RAB28: variants seen among roughly 807,000 people sequenced by gnomAD.
RAB28 encodes RAB28, member RAS oncogene family, also known as ras-related protein Rab-28.
Under a neutral mutation model 31.7 loss-of-function variants are expected in RAB28, and 24 were observed. That is an observed-to-expected ratio of 0.76 (90% confidence interval 0.55 to 1.06). The LOEUF is 1.06. Among genes scored for constraint, RAB28 ranks in the 50% least tolerant of loss-of-function variants. The pLI, the probability that RAB28 is intolerant of heterozygous loss-of-function variation, is 0.00. For synonymous variants in RAB28, 100 were observed against 90.4 expected, an observed-to-expected ratio of 1.11 and a Z score of -0.60; for missense variants, 254 against 258.5, an observed-to-expected ratio of 0.98 and a Z score of 0.12.
intron 3 of RAB28, among the ~76,000 whole-genome samples, chr4:13,466,080 T>G (rs567083612): frequency 6.6e-6 from 1 of 152,134 alleles, no homozygotes; most frequent in Non-Finnish European, 1.5e-5. Context: ...CGAAATTGAT[T>G]AACAATTTCA....
chr4:13,375,456 G>T (rs2108877141), intron 6 of RAB28, among the ~76,000 whole-genome samples: 1 of 152,212 alleles, frequency 6.6e-6, no homozygotes, highest in South Asian at 2.1e-4. Flanking sequence ...TTTAGACAGA[G>T]AAGCTAAAAA....
chr4:13,410,823 T>G (rs1372057793), intron 4 of RAB28, among the ~76,000 whole-genome samples: 7 of 152,134 alleles, frequency 4.6e-5, no homozygotes, highest in Non-Finnish European at 7.4e-5. Flanking sequence ...TCTTTAGAAC[T>G]TAAAGGTCTC....
At position 13,376,593 on chromosome 4, in the gene RAB28, A is replaced by G. The variant is rs1188874681; in HGVS notation, c.525T>C (p.Ala175=). 1.9e-6 allele frequency: 3 copies of G among 1,604,108 alleles called. No individual in the cohort carries two copies. Among genetic ancestry groups the G allele is most frequent in the East Asian group, 4.5e-5 (2 of 44,396 alleles). ...SVFLCFQKVA[A]EILGIKLNKA... The stretch of plus-strand genomic sequence containing the variant: ...TGTTTAATTTGATCCCAAGGATTTC[A>G]GCAGCAACTTTCTGAAAGCACAGGA... The change falls in exon 6 of 7, where the codon GCT becomes GCC. Residue 175 remains alanine (A), a synonymous_variant. Coordinates refer to ENST00000330852, the MANE Select transcript of RAB28 (RefSeq NM_001017979.3).
chr4:13,450,835 A>G (rs1450905221), intron 4 of RAB28, among the ~76,000 whole-genome samples: 1 of 151,874 alleles, frequency 6.6e-6, no homozygotes, highest in Non-Finnish European at 1.5e-5. Context: ...GGAAATTCTA[A>G]GTATGATACA....
intron 4 of RAB28, among the ~76,000 whole-genome samples, chr4:13,388,381 A>C (rs1034672816): frequency 1.3e-5 from 2 of 152,078 alleles, no homozygotes; most frequent in African/African-American, 4.8e-5. Flanking sequence ...AAATCAATTA[A>C]AGACCTTAAC....
intron 2 of RAB28, among the ~76,000 whole-genome samples, chr4:13,477,372 T>C (rs1295248558): frequency 6.6e-6 from 1 of 151,550 alleles, no homozygotes; most frequent in Non-Finnish European, 1.5e-5. Flanking sequence ...ACCAGACTAG[T>C]AACAAATATT....
intron 6 of RAB28, among the ~76,000 whole-genome samples, chr4:13,374,310 C>CTAAT (rs971261390): frequency 3.3e-5 from 5 of 152,016 alleles, no homozygotes; most frequent in Admixed American, 3.3e-4. Flanking sequence ...GTTAACACAT[C>CTAAT]TAATATCTCT....
intron 4 of RAB28, among the ~76,000 whole-genome samples, chr4:13,434,623 C>T (rs1713991278): frequency 6.6e-6 from 1 of 152,214 alleles, no homozygotes; most frequent in Non-Finnish European, 1.5e-5. Flanking sequence ...ATGCATGGAA[C>T]ATCCTCTAAT....
intron 4 of RAB28, among the ~76,000 whole-genome samples, chr4:13,400,435 T>C (rs1261757486): frequency 6.6e-6 from 1 of 152,188 alleles, no homozygotes; most frequent in Non-Finnish European, 1.5e-5. Flanking sequence ...ATCTTTATAA[T>C]ATTGAGTCTT....
At position 13,443,179 on chromosome 4, in the gene RAB28, GT is replaced by G. The variant is rs200861366; in HGVS notation, c.391+17519del. 2.0e-3 allele frequency among the ~76,000 whole-genome samples: 288 copies of G among 145,086 alleles called. 1 individual carries two copies. The highest frequency in any genetic ancestry group is 0.014 in the Middle Eastern group (4 of 280). ...AACAACTATGTGTGTAATATAAATG[GT>G]TTTTTTTTTTTTGAGACGGAGTCTC... On this transcript the variant is annotated intron_variant, in intron 4 of 6. Coordinates refer to ENST00000330852, the MANE Select transcript of RAB28 (RefSeq NM_001017979.3).
chr4:13,407,613 C>A (rs115493362), intron 4 of RAB28, among the ~76,000 whole-genome samples: 1 of 152,142 alleles, frequency 6.6e-6, no homozygotes, highest in East Asian at 1.9e-4. Flanking sequence ...TGGCCACTTT[C>A]GCGATATTGA....
intron 3 of RAB28, among the ~76,000 whole-genome samples, chr4:13,463,146 T>G (rs182064256): frequency 2.6e-5 from 4 of 152,332 alleles, no homozygotes; most frequent in African/African-American, 9.6e-5. Context: ...AATCACATTT[T>G]CATGGCAACT....
chr4:13,397,636 T>A (rs1036007056), intron 4 of RAB28, among the ~76,000 whole-genome samples: 2 of 152,124 alleles, frequency 1.3e-5, no homozygotes, highest in African/African-American at 4.8e-5. Flanking sequence ...GTTGTAATAT[T>A]TATTCTTGGT....
In RAB28 at chr4:13,484,204, A is replaced by C; in HGVS notation, c.-54T>G. The C allele has an allele frequency of 1.4e-6, 2 of 1,427,034 alleles. No individual in the cohort carries two copies. The highest frequency in any genetic ancestry group is 1.9e-6 in the Non-Finnish European group (2 of 1,034,132). The allele number at this position is 1,427,034 out of a possible 1,614,324, so 88.4% of individuals were successfully genotyped here. A position where few individuals can be genotyped will look rare whatever the true frequency, so the allele number is the denominator to read the frequency against. ...GAGGTGGGGGGGGAAGGGAAGGATG[A>C]AGGCTCCGGGGGCGGGGGAGAGGAG... On this transcript the variant is annotated 5_prime_UTR_variant, in exon 1 of 7. Coordinates refer to ENST00000330852, the MANE Select transcript of RAB28 (RefSeq NM_001017979.3).
intron 6 of RAB28, chr4:13,371,158 A>G (rs1483620961): frequency 3.0e-6 from 3 of 985,282 alleles, no homozygotes; most frequent in Non-Finnish European, 3.6e-6. Flanking sequence ...GCATACGAAC[A>G]TATTAGCCTT....
intron 4 of RAB28, among the ~76,000 whole-genome samples, chr4:13,441,339 T>C (rs548557667): frequency 6.6e-6 from 1 of 152,304 alleles, no homozygotes; most frequent in African/African-American, 2.4e-5. Flanking sequence ...TTTAGCCTAA[T>C]TAATTACCTA....
chr4:13,464,380 T>C (rs887130140), intron 3 of RAB28, among the ~76,000 whole-genome samples: 1 of 152,108 alleles, frequency 6.6e-6, no homozygotes, highest in Non-Finnish European at 1.5e-5. Context: ...GTATTCCATC[T>C]GGAAAGGGAA....
intron 6 of RAB28, among the ~76,000 whole-genome samples, chr4:13,373,828 T>A (rs907562746): frequency 1.3e-5 from 2 of 152,118 alleles, no homozygotes; most frequent in Non-Finnish European, 2.9e-5. Flanking sequence ...AGTCTGCCAT[T>A]TAACTCCTTC....
chr4:13,425,383 TA>T (rs1250729516), intron 4 of RAB28, among the ~76,000 whole-genome samples: 3 of 152,148 alleles, frequency 2.0e-5, no homozygotes, highest in Admixed American at 2.0e-4. Context: ...ATACTAAAAT[TA>T]AAGACTGAAT....
Sources: gnomAD v4.1 joint callset for allele counts (sites outside exome capture counted in the v4.1 genomes callset) on GRCh38, gnomAD v4.1.1 for gene constraint, MANE v1.5 for transcripts, NCBI Gene and HGNC (gene_info 2026-07-23, HGNC 2026-07-21) for gene names.